The following STK4 variants were observed in gnomAD, a reference collection of about 807,000 sequenced individuals.
STK4 encodes serine/threonine kinase 4, also known as serine/threonine-protein kinase 4.
STK4 carries 30 observed loss-of-function variants against 64.9 expected under a neutral mutation model. The ratio of observed to expected loss-of-function variants is 0.46; its 90% confidence interval spans 0.35 to 0.63. STK4 has a LOEUF of 0.63. Among genes scored for constraint, STK4 ranks in the 20% least tolerant of loss-of-function variants. The pLI is 0.01. For missense variants in STK4, 466 were observed against 598.5 expected, an observed-to-expected ratio of 0.78 and a Z score of 2.31; for synonymous variants, 177 against 199.0, an observed-to-expected ratio of 0.89 and a Z score of 0.93.
At chr20:44,997,382 C>T (rs966220696) in intron 7 of STK4, 76 bp downstream of exon 7, 9 of 1,509,270 alleles carry the variant, frequency 6.0e-6, no homozygotes, top group South Asian at 2.7e-5. Flanking sequence ...AGGTCACCTA[C>T]GTGGAGATAG....
chr20:45,027,724 A>G (rs60766390), intron 10 of STK4, among the ~76,000 whole-genome samples: 3,803 of 152,178 alleles, frequency 0.025, 137 homozygotes, highest in African/African-American at 0.081. Flanking sequence ...TCTCTCTGAC[A>G]TATTTTTGTA....
chr20:44,995,605 C>CAAAA lies in STK4; in HGVS notation c.693+369_693+372dup, dbSNP rs60140206. 1.8e-4 allele frequency among the ~76,000 whole-genome samples: 10 copies of CAAAA among 54,516 alleles called. 1 individual carries two copies. Among genetic ancestry groups the CAAAA allele is most frequent in the African/African-American group, 6.1e-4 (9 of 14,780 alleles). 35.8% of individuals were successfully genotyped at this position (54,516 alleles called of 152,430 possible). On this transcript the variant is annotated intron_variant, in intron 6 of 10. Coordinates refer to ENST00000372806, the MANE Select transcript of STK4 (RefSeq NM_006282.5). ...TGGGAGAGAGAGTGAGACTCCATCTCAAAAAAAAAAAAAAAAAAAAAAAAG... is the reference window on the plus strand; with the variant it reads ...TGGGAGAGAGAGTGAGACTCCATCTCAAAAAAAAAAAAAAAAAAAAAAAAAAAAG...
chr20:45,041,538 T>G (rs1435856153), intron 10 of STK4, among the ~76,000 whole-genome samples: 2 of 152,212 alleles, frequency 1.3e-5, no homozygotes, highest in Non-Finnish European at 2.9e-5. Context: ...ATGATACACA[T>G]TTAGGTTGTT....
At chr20:44,984,341 C>T (rs1228265038) in intron 4 of STK4, among the ~76,000 whole-genome samples, 1 of 151,750 alleles carries the variant, frequency 6.6e-6, no homozygotes, top group Non-Finnish European at 1.5e-5. Flanking sequence ...CTCCCTAGTA[C>T]AGGCGCCCGC....
At chr20:45,022,268 CTT>C (rs1568729569) in intron 9 of STK4, among the ~76,000 whole-genome samples, 1 of 152,062 alleles carries the variant, frequency 6.6e-6, no homozygotes. Context: ...AAAAAATTCT[CTT>C]TTTATTTCAC....
intron 9 of STK4, among the ~76,000 whole-genome samples, chr20:45,014,209 G>A (rs2068100991): frequency 6.6e-6 from 1 of 152,042 alleles, no homozygotes; most frequent in Non-Finnish European, 1.5e-5. Context: ...TGGATCACTT[G>A]AGGTCAGGAG....
At chr20:44,995,629 A>AAAAAAT (rs1555809972) in intron 6 of STK4, among the ~76,000 whole-genome samples, 1 of 150,994 alleles carries the variant, frequency 6.6e-6, no homozygotes, top group African/African-American at 2.4e-5. Context: ...AAAAAAAAAA[A>AAAAAAT]GTTCAATGGC....
chr20:45,061,456 T>A (rs1978994108), intron 10 of STK4, among the ~76,000 whole-genome samples: 1 of 152,206 alleles, frequency 6.6e-6, no homozygotes, highest in African/African-American at 2.4e-5. Flanking sequence ...GCCTGGGACA[T>A]GAATCATTGC....
intron 10 of STK4, chr20:45,053,049 T>A (rs1178286959): frequency 1.3e-6 from 2 of 1,485,878 alleles, no homozygotes; most frequent in Non-Finnish European, 1.9e-6. Flanking sequence ...TATTTGTGCT[T>A]TGGAATATAA....
chr20:45,010,077 A>G (rs1719866209), intron 9 of STK4, among the ~76,000 whole-genome samples: 1 of 151,346 alleles, frequency 6.6e-6, no homozygotes, highest in East Asian at 1.9e-4. Flanking sequence ...TTGTTTATTT[A>G]TTTTTTTCTG....
intron 10 of STK4, among the ~76,000 whole-genome samples, chr20:45,070,159 G>C (rs1979930073): frequency 6.6e-6 from 1 of 152,210 alleles, no homozygotes; most frequent in African/African-American, 2.4e-5. Context: ...GCAAAAGAGG[G>C]AGTAATAGAT....
At chr20:45,043,953 A>G (rs1448489964) in intron 10 of STK4, among the ~76,000 whole-genome samples, 1 of 152,180 alleles carries the variant, frequency 6.6e-6, no homozygotes, top group Non-Finnish European at 1.5e-5. Context: ...TTATAAAATC[A>G]GAGATACATT....
rs1980466584 is a variant in STK4 at position 45,075,765 on chromosome 20, G to A, written c.*589G>A. 1 of 152,698 alleles carries A rather than the reference G, an allele frequency of 6.5e-6. No individual in the cohort carries two copies. The highest frequency in any genetic ancestry group is 2.1e-4 in the South Asian group (1 of 4,830). 9.5% of individuals were successfully genotyped at this position (152,698 alleles called of 1,614,324 possible). ...AAAAATTAGGTTTGGGACAGTTCTT[G>A]TACCGTGGTTTCAGCCTTGTGTGGT... On this transcript the variant is annotated 3_prime_UTR_variant, in exon 11 of 11. Transcript: ENST00000372806.
intron 10 of STK4, among the ~76,000 whole-genome samples, chr20:45,056,954 GGCA>G (rs1365805992): frequency 6.6e-6 from 1 of 152,206 alleles, no homozygotes; most frequent in Admixed American, 6.5e-5. Flanking sequence ...AAAGTCTCTG[GGCA>G]AGCCGTCGTT....
chr20:45,000,810 A>C (rs927664501), intron 8 of STK4, among the ~76,000 whole-genome samples: 2 of 152,170 alleles, frequency 1.3e-5, no homozygotes, highest in East Asian at 1.9e-4. Context: ...TTGGCTTTTC[A>C]TATCCTTTTG....
intron 10 of STK4, among the ~76,000 whole-genome samples, chr20:45,036,603 A>AG (rs1259791295): frequency 1.3e-5 from 2 of 152,162 alleles, no homozygotes; most frequent in African/African-American, 2.4e-5. Flanking sequence ...ACCAAAAATA[A>AG]GGGGGGAAAA....
chr20:45,048,882 T>C (rs2068735842), intron 10 of STK4, among the ~76,000 whole-genome samples: 1 of 152,150 alleles, frequency 6.6e-6, no homozygotes, highest in Non-Finnish European at 1.5e-5. Flanking sequence ...TCCTAGGGTT[T>C]AAATATCAAG....
chr20:44,973,613 T>G lies in STK4; in HGVS notation c.116+1455T>G, dbSNP rs187588783. ...TAATTGACTATGTAACTTATTTCTC[T>G]CATTTCTAATACAGTTTGCTCTTAC... On this transcript the variant is annotated intron_variant, in intron 2 of 10. Coordinates refer to ENST00000372806, the MANE Select transcript of STK4 (RefSeq NM_006282.5). Among the ~76,000 whole-genome samples, 202 of 152,380 alleles carry G rather than the reference T, an allele frequency of 1.3e-3. 2 individuals are homozygous for G. The highest frequency in any genetic ancestry group is 0.011 in the Admixed American group (165 of 15,310).
chr20:44,994,979 CT>C (rs2067700515), intron 5 of STK4, 110 bp from the exon 6 acceptor site: 1 of 998,918 alleles, frequency 1.0e-6, no homozygotes, highest in Non-Finnish European at 1.4e-6. Flanking sequence ...GGAAAAGCCT[CT>C]TTTTCTCAGT....
Sources: allele counts gnomAD v4.1 joint callset (sites outside exome capture counted in the v4.1 genomes callset), GRCh38; gene constraint gnomAD v4.1.1; transcripts MANE v1.5; gene names NCBI Gene and HGNC (gene_info 2026-07-23, HGNC 2026-07-21).